Variants in AEBP1 observed in about 807,000 individuals in gnomAD.
AEBP1 encodes adipocyte enhancer-binding protein 1.
AEBP1 carries 69 observed loss-of-function variants against 116.5 expected under a neutral mutation model. The ratio of observed to expected loss-of-function variants is 0.59; its 90% confidence interval spans 0.49 to 0.72. The LOEUF is 0.72. Among genes scored for constraint, AEBP1 ranks in the 30% least tolerant of loss-of-function variants. AEBP1 has a pLI of 0.00. For synonymous variants in AEBP1, 627 were observed against 627.3 expected (o/e 1.00, Z 0.01); for missense variants, 1,444 against 1,557.5 (o/e 0.93, Z 1.23).
At position 44,113,308 on chromosome 7, in the gene AEBP1, C is replaced by T. The variant is rs746396415; in HGVS notation, c.2766C>T (p.Asn922=). 1.2e-6 allele frequency: 2 copies of T among 1,613,616 alleles called. No individual in the cohort carries two copies. Among genetic ancestry groups the T allele is most frequent in the East Asian group, 4.5e-5 (2 of 44,856 alleles). ...ACGAGCAAGGCATCCCCATTGCCAA[C>T]GCCACCATCTCTGTGAGTGGCATTA... ...VTDEQGIPIA[N]ATISVSGINH... The change falls in exon 20 of 21, where the codon AAC becomes AAT. Residue 922 remains asparagine (N), a synonymous_variant. Coordinates refer to ENST00000223357, the MANE Select transcript of AEBP1 (RefSeq NM_001129.5). This position sits in a 1 kb window ranked among gnomAD's most constrained non-coding sequence, Gnocchi z 5.3.
rs2096225295 is a variant in AEBP1 at position 44,108,398 on chromosome 7, C to A, written c.940+314C>A. On this transcript the variant is annotated intron_variant, in intron 6 of 20. Transcript: ENST00000223357. This position sits in a 1 kb window ranked among gnomAD's most constrained non-coding sequence, Gnocchi z 5.0. ...CCTCCCAGTCCTGTGCTCTAACTGG[C>A]TTCCCGCTGGCTCGTGGCCACTGCC... Among the ~76,000 whole-genome samples the A allele has an allele frequency of 6.6e-6, 1 of 152,146 alleles. No individual in the cohort carries two copies. Among genetic ancestry groups the A allele is most frequent in the South Asian group, 2.1e-4 (1 of 4,824 alleles).
rs188422252 is a variant in AEBP1, at chr7:44,105,286, C to G, written c.253+368C>G. ...ATGGGACCACTCTCCCTGTTGGTGG[C>G]ACAGCTTCACGTCGTCCCTCCCTCC... On this transcript the variant is annotated intron_variant, in intron 1 of 20. Transcript: ENST00000223357. Among the ~76,000 whole-genome samples, 506 of 152,318 alleles carry G rather than the reference C, an allele frequency of 3.3e-3. 3 individuals carry two copies. The highest frequency in any genetic ancestry group is 0.011 in the African/African-American group (477 of 41,566).
chr7:44,111,321 G>A lies in AEBP1; in HGVS notation c.1716+82G>A. 1 of 1,423,504 alleles carries A rather than the reference G, an allele frequency of 7.0e-7. No individual in the cohort carries two copies. The highest frequency in any genetic ancestry group is 9.3e-7 in the Non-Finnish European group (1 of 1,071,444). 88.2% of individuals were successfully genotyped at this position (1,423,504 alleles called of 1,614,324 possible). On this transcript the variant is annotated intron_variant, in intron 14 of 20. Transcript: ENST00000223357. The surrounding 1 kb of genome is among the most constrained non-coding windows in gnomAD (Gnocchi z 4.7). Reference sequence around the variant, plus strand: ...GTGTGCCTGGTGCTTCTGTCACTGGGCCCAGTCCCTACTGGTTCCAGGGAT... The same window carrying A: ...GTGTGCCTGGTGCTTCTGTCACTGGACCCAGTCCCTACTGGTTCCAGGGAT...
In AEBP1 at chr7:44,112,647, A is replaced by G; in HGVS notation, c.2307A>G (p.Val769=). 6.2e-7 allele frequency: 1 copy of G among 1,613,216 alleles called. No individual in the cohort carries two copies. Among genetic ancestry groups the G allele is most frequent in the Non-Finnish European group, 8.5e-7 (1 of 1,179,962 alleles). ...GANLNGGERL[V]SYPYDMARTP... ...ATCTGAACGGCGGCGAGCGGCTAGTATCCTACCCCTACGATATGGCCCGCA... is the reference window on the plus strand; with the variant it reads ...ATCTGAACGGCGGCGAGCGGCTAGTGTCCTACCCCTACGATATGGCCCGCA... Residue 769 remains valine, a synonymous_variant, in exon 18 of 21, where the codon GTA becomes GTG. Coordinates refer to ENST00000223357, the MANE Select transcript of AEBP1 (RefSeq NM_001129.5). This position sits in a 1 kb window ranked among gnomAD's most constrained non-coding sequence, Gnocchi z 6.6.
At position 44,107,800 on chromosome 7, in the gene AEBP1, C is replaced by A. The variant is rs985310264; in HGVS notation, c.740-9C>A. 6.2e-7 allele frequency: 1 copy of A among 1,612,090 alleles called. No individual in the cohort carries two copies. Among genetic ancestry groups the A allele is most frequent in the African/African-American group, 1.3e-5 (1 of 74,762 alleles). On this transcript the variant is annotated splice_polypyrimidine_tract_variant and intron_variant, in intron 4 of 20. Coordinates refer to ENST00000223357, the MANE Select transcript of AEBP1 (RefSeq NM_001129.5). The surrounding 1 kb of genome is among the most constrained non-coding windows in gnomAD (Gnocchi z 4.3). ...CTTGGGCCCCACTCTGAGCCAGCCT[C>A]CCCCTCAGTTGAGTACATTCGGCGC...
rs752159338 is a variant in AEBP1 at position 44,110,132 on chromosome 7, T to A, written c.1260+8T>A. 25 of 1,613,040 alleles carry A rather than the reference T, an allele frequency of 1.5e-5. No individual in the cohort carries two copies. The highest frequency in any genetic ancestry group is 2.0e-5 in the Non-Finnish European group (24 of 1,179,956). On this transcript the variant is annotated splice_region_variant and intron_variant, in intron 10 of 20. Coordinates refer to ENST00000223357, the MANE Select transcript of AEBP1 (RefSeq NM_001129.5). Reference sequence around the variant, plus strand: ...GGCCGGCTCAACATGCAGGTGGGCATTGGGATGGGCCCATCTCCCAACTGG... The same window carrying A: ...GGCCGGCTCAACATGCAGGTGGGCAATGGGATGGGCCCATCTCCCAACTGG...
Position 44,108,782 on chromosome 7 carries a change from C to T in AEBP1, c.941-117C>T. 1 of 894,142 alleles carries T rather than the reference C, an allele frequency of 1.1e-6. No individual in the cohort carries two copies. Among genetic ancestry groups the T allele is most frequent in the South Asian group, 1.6e-5 (1 of 62,400 alleles). The allele number at this position is 894,142 out of a possible 1,614,324, so 55.4% of individuals were successfully genotyped here. A position where few individuals can be genotyped will look rare whatever the true frequency, so the allele number is the denominator to read the frequency against. On this transcript the variant is annotated intron_variant, in intron 6 of 20. Transcript: ENST00000223357. This position sits in a 1 kb window ranked among gnomAD's most constrained non-coding sequence, Gnocchi z 5.0. ...ACCCTCTCCCAACTCAGCTGTCCCCCATCTCCCGTCCTCCTCCCCTCTGGC... is the reference window on the plus strand; with the variant it reads ...ACCCTCTCCCAACTCAGCTGTCCCCTATCTCCCGTCCTCCTCCCCTCTGGC...
intron 11 of AEBP1, 110 bp from the exon 12 acceptor site, chr7:44,110,615 G>T: frequency 8.9e-7 from 1 of 1,118,678 alleles, no homozygotes; most frequent in Non-Finnish European, 1.3e-6. Context: ...GGGCCGTGCA[G>T]CACCACCCTG....
chr7:44,107,289 G>A lies in AEBP1; in HGVS notation c.596-150G>A. On this transcript the variant is annotated intron_variant, in intron 2 of 20. Transcript: ENST00000223357. This position sits in a 1 kb window ranked among gnomAD's most constrained non-coding sequence, Gnocchi z 4.3. ...GATGCCAGCAGGATGCTGAAGGCCAGAGGAGCTCAGGCCTCCTTGGAGTGA... is the reference window on the plus strand; with the variant it reads ...GATGCCAGCAGGATGCTGAAGGCCAAAGGAGCTCAGGCCTCCTTGGAGTGA... 1.4e-6 allele frequency: 1 copy of A among 734,788 alleles called. No homozygotes were observed. The highest frequency in any genetic ancestry group is 2.3e-6 in the Non-Finnish European group (1 of 439,674). The allele number at this position is 734,788 out of a possible 1,614,324, so 45.5% of individuals were successfully genotyped here.
chr7:44,114,179 A>AG lies in AEBP1; in HGVS notation c.3396dup (p.Lys1133GlufsTer67), dbSNP rs764228781. ...GAGTTTGAGGAAGAGGAGGAGGAGG[A>AG]GAAAGAGGAGGAGATAGCCACTGGC... On this transcript the variant is annotated frameshift_variant, in exon 21 of 21. Coordinates refer to ENST00000223357, the MANE Select transcript of AEBP1 (RefSeq NM_001129.5). LOFTEE classifies it low-confidence loss of function (END_TRUNC). 1.8e-5 allele frequency: 26 copies of AG among 1,433,734 alleles called. No homozygotes were observed. The highest frequency in any genetic ancestry group is 2.4e-5 in the South Asian group (2 of 83,512). 88.8% of individuals were successfully genotyped at this position (1,433,734 alleles called of 1,614,324 possible).
chr7:44,105,962 C>G, intron 1 of AEBP1, among the ~76,000 whole-genome samples: 1 of 152,204 alleles, frequency 6.6e-6, no homozygotes, highest in African/African-American at 2.4e-5. Context: ...TGTGTGATCC[C>G]TGAACCCCCC....
In AEBP1 at chr7:44,112,941, G is replaced by T. The variant is rs555904973; in HGVS notation, c.2569+32G>T. On this transcript the variant is annotated intron_variant, in intron 18 of 20. Coordinates refer to ENST00000223357, the MANE Select transcript of AEBP1 (RefSeq NM_001129.5). The surrounding 1 kb of genome is among the most constrained non-coding windows in gnomAD (Gnocchi z 6.6). ...CAGCCTGGGAGGGGCTGTGGGCGGG[G>T]CCTGGTCCGGAGAGGGGCTGACTTT... The T allele has an allele frequency of 1.9e-6, 3 of 1,612,546 alleles. No individual in the cohort carries two copies. Among genetic ancestry groups the T allele is most frequent in the Non-Finnish European group, 2.5e-6 (3 of 1,179,114 alleles).
chr7:44,112,828 T>C lies in AEBP1; in HGVS notation c.2488T>C (p.Tyr830His). 6.2e-7 allele frequency: 1 copy of C among 1,612,274 alleles called. No individual in the cohort carries two copies. ...CGCACACCTCACCTTGACCGAGCCC[T>C]ACCGCGGAGGCTGCCAAGCCCAGGA... ...ASAHLTLTEP[Y>H]RGGCQAQDYT... The change falls in exon 18 of 21, where the codon TAC (tyrosine) becomes CAC (histidine). Residue 830 changes from tyrosine (Y) to histidine (H), a missense_variant. Transcript: ENST00000223357. The surrounding 1 kb of genome is among the most constrained non-coding windows in gnomAD (Gnocchi z 6.6).
In AEBP1 at chr7:44,113,151, C is replaced by T. The variant is rs1562689195; in HGVS notation, c.2709+21C>T. Reference sequence around the variant, plus strand: ...AGCAGGTGGGGTGGCTAGGGCAATGCCTGGGGAGAGGAGGCTGCACAGGCT... The same window carrying T: ...AGCAGGTGGGGTGGCTAGGGCAATGTCTGGGGAGAGGAGGCTGCACAGGCT... On this transcript the variant is annotated intron_variant, in intron 19 of 20. Coordinates refer to ENST00000223357, the MANE Select transcript of AEBP1 (RefSeq NM_001129.5). The surrounding 1 kb of genome is among the most constrained non-coding windows in gnomAD (Gnocchi z 5.3). 6.2e-7 allele frequency: 1 copy of T among 1,613,604 alleles called. No homozygotes were observed. Among genetic ancestry groups the T allele is most frequent in the East Asian group, 2.2e-5 (1 of 44,850 alleles).
At position 44,112,703 on chromosome 7, in the gene AEBP1, C is replaced by T. The variant is rs200626782; in HGVS notation, c.2363C>T (p.Ala788Val). 59 of 1,613,246 alleles carry T rather than the reference C, an allele frequency of 3.7e-5. No homozygotes were observed. The highest frequency in any genetic ancestry group is 4.7e-5 in the Non-Finnish European group (55 of 1,179,964). ...ACCCAGGAGCAGCTGCTGGCCGCAGCCATGGCAGCAGCCCGGGGGGAGGAT... is the reference window on the plus strand; with the variant it reads ...ACCCAGGAGCAGCTGCTGGCCGCAGTCATGGCAGCAGCCCGGGGGGAGGAT... Reference protein sequence around the residue: ...TPTQEQLLAAAMAAARGEDED... With the variant: ...TPTQEQLLAAVMAAARGEDED... The change falls in exon 18 of 21, where the codon GCC (alanine) becomes GTC (valine). Residue 788 changes from alanine to valine, a missense_variant. Physicochemically the swap from Ala to Val is moderately conservative, Grantham distance 64. Transcript: ENST00000223357. The surrounding 1 kb of genome is among the most constrained non-coding windows in gnomAD (Gnocchi z 6.6).
At chr7:44,106,450 G>C (rs2096222971) in intron 1 of AEBP1, 96 bp from the exon 2 acceptor site, 2 of 1,285,910 alleles carry the variant, frequency 1.6e-6, no homozygotes, top group Non-Finnish European at 1.1e-6. Flanking sequence ...GAACTGACAA[G>C]AGTCCCTGTG....
intron 9 of AEBP1, 70 bp downstream of exon 9, chr7:44,109,411 C>G: frequency 1.4e-6 from 2 of 1,433,212 alleles, no homozygotes; most frequent in Non-Finnish European, 1.9e-6. Context: ...GTGACTGGCC[C>G]AATGTCACAA....
In AEBP1 at chr7:44,111,363, C is replaced by G; in HGVS notation, c.1716+124C>G. 7.1e-7 allele frequency: 1 copy of G among 1,412,184 alleles called. No individual in the cohort carries two copies. The highest frequency in any genetic ancestry group is 2.4e-4 in the Middle Eastern group (1 of 4,204). 87.5% of individuals were successfully genotyped at this position (1,412,184 alleles called of 1,614,324 possible). A position where few individuals can be genotyped will look rare whatever the true frequency, so the allele number is the denominator to read the frequency against. The stretch of plus-strand genomic sequence containing the variant: ...TCCAGGGATGCTGGCTGTCCCTCAC[C>G]TTAGGAAGGAGGCCAGTACCTGGGG... On this transcript the variant is annotated intron_variant, in intron 14 of 20. Coordinates refer to ENST00000223357, the MANE Select transcript of AEBP1 (RefSeq NM_001129.5). This position sits in a 1 kb window ranked among gnomAD's most constrained non-coding sequence, Gnocchi z 4.7.
At position 44,104,696 on chromosome 7, in the gene AEBP1, A is replaced by G. The variant is rs2096221078; in HGVS notation, c.31A>G (p.Ser11Gly). 3.1e-6 allele frequency: 5 copies of G among 1,598,836 alleles called. 1 individual carries two copies. In the South Asian group the frequency reaches 3.3e-5, roughly 11 times the overall value. The part of the protein sequence containing the change: MAAVRGAPLL[S>G]CLLALLALCP... ...GGCCGTGCGCGGGGCGCCCCTGCTC[A>G]GCTGCCTCCTGGCGTTGCTGGCCCT... The change falls in exon 1 of 21, where the codon AGC becomes GGC. Residue 11 changes from serine (S) to glycine (G), a missense_variant. By Grantham distance (56) the Ser-to-Gly change is moderately conservative (BLOSUM62 0). Coordinates refer to ENST00000223357, the MANE Select transcript of AEBP1 (RefSeq NM_001129.5).
Sources: gnomAD v4.1 joint callset for allele counts (sites outside exome capture counted in the v4.1 genomes callset) on GRCh38, gnomAD v4.1.1 for gene constraint, Gnocchi (gnomAD v3.1) non-coding constraint, MANE v1.5 for transcripts, NCBI Gene and HGNC (gene_info 2026-07-23, HGNC 2026-07-21) for gene names.